Variants in ATL1 observed in about 807,000 individuals in gnomAD.
ATL1 encodes the protein atlastin GTPase 1.
Under a neutral mutation model 75.5 loss-of-function variants are expected in ATL1, and 31 were observed. That is an observed-to-expected ratio of 0.41 (90% CI 0.31 to 0.55). The LOEUF (loss-of-function observed/expected upper bound fraction) is 0.55, where lower values mean the gene tolerates loss of function less well. ATL1 is among the 20% of genes least tolerant of loss of function. ATL1 has a pLI of 0.27. For synonymous variants in ATL1, 226 were observed against 233.3 expected, an observed-to-expected ratio of 0.97 and a Z score of 0.28; for missense variants, 405 against 662.6, an observed-to-expected ratio of 0.61 and a Z score of 4.27.
chr14:50,624,147 G>A (rs2039494743), intron 11 of ATL1, among the ~76,000 whole-genome samples: 1 of 152,050 alleles, frequency 6.6e-6, no homozygotes, highest in African/African-American at 2.4e-5. Flanking sequence ...TATTTATAAG[G>A]ACAATCAGAA....
chr14:50,562,159 C>T (rs1429148613), intron 1 of ATL1, among the ~76,000 whole-genome samples: 1 of 152,106 alleles, frequency 6.6e-6, no homozygotes, highest in African/African-American at 2.4e-5. Flanking sequence ...ATTCTCCTGC[C>T]TCAACCTCCC....
upstream of ATL1, among the ~76,000 whole-genome samples, chr14:50,555,305 G>A (rs151087452): frequency 3.2e-4 from 48 of 152,108 alleles, no homozygotes; most frequent in African/African-American, 1.1e-3. Flanking sequence ...TTTTTGAGAC[G>A]GAGTCTCGCT....
At chr14:50,594,558 A>G (rs2039194305) in intron 5 of ATL1, among the ~76,000 whole-genome samples, 1 of 152,214 alleles carries the variant, frequency 6.6e-6, no homozygotes. Flanking sequence ...TCACTGCTCC[A>G]AAAGGAGCAG....
intron 1 of ATL1, among the ~76,000 whole-genome samples, chr14:50,562,602 T>C (rs1001615999): frequency 6.6e-6 from 1 of 152,166 alleles, no homozygotes; most frequent in Non-Finnish European, 1.5e-5. Flanking sequence ...GATAGAAACA[T>C]CTCAGATAGT....
chr14:50,606,715 T>C (rs1171486571), intron 6 of ATL1, among the ~76,000 whole-genome samples: 1 of 152,038 alleles, frequency 6.6e-6, no homozygotes, highest in Non-Finnish European at 1.5e-5. Flanking sequence ...TATGCTTCCA[T>C]CTGTTCTTTA....
At chr14:50,556,575 C>G (rs1311835518), upstream of ATL1, among the ~76,000 whole-genome samples, 2 of 152,138 alleles carry the variant, frequency 1.3e-5, no homozygotes, top group African/African-American at 2.4e-5. Flanking sequence ...ATGATGAATT[C>G]TAAAACATTT....
upstream of ATL1, among the ~76,000 whole-genome samples, chr14:50,556,744 A>G (rs908254627): frequency 2.0e-5 from 3 of 152,208 alleles, no homozygotes; most frequent in African/African-American, 7.2e-5. Flanking sequence ...GAATCATATA[A>G]TATGTGGTCT....
rs776796883 is a variant in ATL1, at chr14:50,591,643, T to A, written c.522+4T>A. 6.9e-6 allele frequency: 11 copies of A among 1,596,992 alleles called. No homozygotes were observed. In the South Asian group the frequency reaches 1.2e-4, roughly 18 times the overall value. On this transcript the variant is annotated splice_donor_region_variant and intron_variant, in intron 4 of 13. Coordinates refer to ENST00000358385, the MANE Select transcript of ATL1 (RefSeq NM_015915.5). ...CACAATGATCAGCTCAATACAGGTATGAAATAAGCCCATTTTGATGATGTT... is the reference window on the plus strand; with the variant it reads ...CACAATGATCAGCTCAATACAGGTAAGAAATAAGCCCATTTTGATGATGTT...
chr14:50,597,529 G>A (rs2039232043), intron 6 of ATL1, among the ~76,000 whole-genome samples: 1 of 152,114 alleles, frequency 6.6e-6, no homozygotes, highest in South Asian at 2.1e-4. Flanking sequence ...GGACACACAG[G>A]AAGCTTCAAT....
intron 8 of ATL1, among the ~76,000 whole-genome samples, chr14:50,617,429 A>G (rs2039426048): frequency 1.3e-5 from 2 of 152,210 alleles, no homozygotes; most frequent in South Asian, 4.1e-4. Context: ...ATGAGCAGGT[A>G]GCCACATTAT....
At chr14:50,626,846 T>C (rs759084443) in intron 11 of ATL1, among the ~76,000 whole-genome samples, 3 of 152,220 alleles carry the variant, frequency 2.0e-5, no homozygotes, top group Non-Finnish European at 4.4e-5. Context: ...CACTGTCTTA[T>C]TTCTTCTAAC....
chr14:50,627,504 C>G (rs755463480), intron 11 of ATL1, among the ~76,000 whole-genome samples: 13 of 152,138 alleles, frequency 8.5e-5, no homozygotes, highest in Non-Finnish European at 1.5e-4. Context: ...TAATATACTC[C>G]TAACTTAGTT....
chr14:50,593,764 T>C (rs2039186150), intron 4 of ATL1, 82 bp from the exon 5 acceptor site: 1 of 915,356 alleles, frequency 1.1e-6, no homozygotes, highest in African/African-American at 1.6e-5. Context: ...GTAACTGATA[T>C]TTTTAAAAGT....
At position 50,623,309 on chromosome 14, in the gene ATL1, T is replaced by C. The variant is rs1566733945; in HGVS notation, c.1119+61T>C. 3.7e-6 allele frequency: 5 copies of C among 1,344,822 alleles called. No individual in the cohort carries two copies. In the African/African-American group the frequency reaches 7.2e-5, roughly 19 times the overall value. The allele number at this position is 1,344,822 out of a possible 1,614,324, so 83.3% of individuals were successfully genotyped here. On this transcript the variant is annotated intron_variant, in intron 11 of 13. Transcript: ENST00000358385. The stretch of plus-strand genomic sequence containing the variant: ...AAACCAGTATCCTTCATGCAACTCA[T>C]TCTCTTTTTTCTTCCATGTTACACT...
At chr14:50,622,527 G>A (rs1267045548) in intron 10 of ATL1, among the ~76,000 whole-genome samples, 2 of 152,010 alleles carry the variant, frequency 1.3e-5, no homozygotes, top group African/African-American at 2.4e-5. Context: ...TTAGCTGGGC[G>A]TGGTGGCGCA....
chr14:50,598,621 C>T (rs2039243805), intron 6 of ATL1, among the ~76,000 whole-genome samples: 1 of 152,078 alleles, frequency 6.6e-6, no homozygotes, highest in Non-Finnish European at 1.5e-5. Flanking sequence ...CCTCGGCCTC[C>T]GAAAGTGCTG....
At chr14:50,554,200 A>G (rs535379794) in intron 1 of ATL1, among the ~76,000 whole-genome samples, 11 of 152,286 alleles carry the variant, frequency 7.2e-5, no homozygotes, top group African/African-American at 2.4e-4. Flanking sequence ...CAGTGTCACA[A>G]ATGTTTTAAA....
At chr14:50,610,620 A>G (rs184395241) in intron 6 of ATL1, among the ~76,000 whole-genome samples, 1 of 152,278 alleles carries the variant, frequency 6.6e-6, no homozygotes, top group African/African-American at 2.4e-5. Flanking sequence ...AACTTTGAAT[A>G]TTGTGAGTAC....
At chr14:50,599,026 G>A (rs2039247319) in intron 6 of ATL1, among the ~76,000 whole-genome samples, 1 of 149,186 alleles carries the variant, frequency 6.7e-6, no homozygotes, top group Admixed American at 6.7e-5. Context: ...TTTCTGAACT[G>A]AGGTGAAGAA....
Sources: gnomAD v4.1 joint callset for allele counts (sites outside exome capture counted in the v4.1 genomes callset) on GRCh38, gnomAD v4.1.1 for gene constraint, MANE v1.5 for transcripts, NCBI Gene and HGNC (gene_info 2026-07-23, HGNC 2026-07-21) for gene names.